The following ANKFN1 variants were observed in gnomAD, a reference collection of about 807,000 sequenced individuals.
The protein encoded by ANKFN1 is ankyrin repeat and fibronectin type III domain containing 1, also known as ankyrin repeat and fibronectin type-III domain-containing protein 1.
In ANKFN1, 74 loss-of-function variants were observed where a neutral mutation model predicts 108.7. The ratio of observed to expected loss-of-function variants is 0.68; its 90% CI spans 0.56 to 0.83. The LOEUF is 0.83. Ranked by LOEUF, ANKFN1 falls within the 40% of genes least tolerant of loss-of-function variation. The pLI, the probability that ANKFN1 is intolerant of heterozygous loss-of-function variation, is 0.00. For synonymous variants in ANKFN1, 547 were observed against 516.2 expected, an observed-to-expected ratio of 1.06 and a Z score of -0.81; for missense variants, 1,505 against 1,382.3, an observed-to-expected ratio of 1.09 and a Z score of -1.41.
At chr17:56,420,036 G>A (rs745443897) in intron 8 of ANKFN1, among the ~76,000 whole-genome samples, 3 of 152,002 alleles carry the variant, frequency 2.0e-5, no homozygotes, top group South Asian at 2.1e-4. Flanking sequence ...AATCCCCAGA[G>A]CAGCTCATGT....
At chr17:56,425,839 T>C (rs1331594996) in intron 8 of ANKFN1, among the ~76,000 whole-genome samples, 2 of 152,222 alleles carry the variant, frequency 1.3e-5, no homozygotes, top group Non-Finnish European at 2.9e-5. Context: ...TAAATTGACT[T>C]GACCGTCTCG....
At chr17:56,263,199 A>G (rs2043564521) in intron 3 of ANKFN1, among the ~76,000 whole-genome samples, 1 of 152,234 alleles carries the variant, frequency 6.6e-6, no homozygotes, top group South Asian at 2.1e-4. Flanking sequence ...AACAGTTTAC[A>G]TAGGCAGCCT....
Position 56,372,841 on chromosome 17 carries a change from G to A in ANKFN1, c.796+1G>A. Reference sequence around the variant, plus strand: ...ATGAAAACAGGCTTTGAGCATGCCAGTGAGTATAAGCAGAAAATGTCTACA... The same window carrying A: ...ATGAAAACAGGCTTTGAGCATGCCAATGAGTATAAGCAGAAAATGTCTACA... On this transcript the variant is annotated splice_donor_variant, in intron 7 of 20. Coordinates refer to ENST00000682825, the MANE Select transcript of ANKFN1 (RefSeq NM_001370326.1). LOFTEE classifies it high-confidence loss of function. 6.2e-7 allele frequency: 1 copy of A among 1,611,542 alleles called. No homozygotes were observed. The highest frequency in any genetic ancestry group is 8.5e-7 in the Non-Finnish European group (1 of 1,179,296).
chr17:56,197,456 A>G (rs1290418751), intron 1 of ANKFN1, among the ~76,000 whole-genome samples: 1 of 152,234 alleles, frequency 6.6e-6, no homozygotes, highest in Non-Finnish European at 1.5e-5. Flanking sequence ...TTTACAAACC[A>G]TCGGATGGAG....
intron 8 of ANKFN1, among the ~76,000 whole-genome samples, chr17:56,380,433 G>A (rs575615912): frequency 2.0e-5 from 3 of 152,290 alleles, no homozygotes; most frequent in South Asian, 4.1e-4. Context: ...GACAGTGGGC[G>A]CAGGACAGTG....
chr17:56,424,157 C>T (rs1445524116), intron 8 of ANKFN1, among the ~76,000 whole-genome samples: 1 of 152,166 alleles, frequency 6.6e-6, no homozygotes, highest in Non-Finnish European at 1.5e-5. Flanking sequence ...GGGTGACACC[C>T]TTAAAGACAT....
At chr17:56,083,557 A>G (rs1905273255) in intron 4 of ANKFN1, among the ~76,000 whole-genome samples, 2 of 151,524 alleles carry the variant, frequency 1.3e-5, no homozygotes, top group South Asian at 4.2e-4. Flanking sequence ...CTGGCTCTTG[A>G]AATGATTCTT....
chr17:56,308,005 C>T lies in ANKFN1; in HGVS notation c.54-18216C>T, dbSNP rs963524327. On this transcript the variant is annotated intron_variant, in intron 3 of 20. Transcript: ENST00000682825. The stretch of plus-strand genomic sequence containing the variant: ...AAAAAACCAAACATGAAGAGAACCG[C>T]ATGTTCTCACTCATAGGTGGGAATT... Among the ~76,000 whole-genome samples the T allele has an allele frequency of 3.9e-5, 6 of 152,168 alleles. No homozygotes were observed. The East Asian group carries it at 5.8e-4, about 15-fold the overall frequency.
chr17:56,146,881 C>G (rs181710685), intron 4 of ANKFN1, among the ~76,000 whole-genome samples: 5 of 152,326 alleles, frequency 3.3e-5, no homozygotes, highest in African/African-American at 1.2e-4. Flanking sequence ...ATTTCTCCCC[C>G]AGAAAATGGG....
At chr17:56,495,227 A>G (rs951064782) in intron 19 of ANKFN1, among the ~76,000 whole-genome samples, 2 of 152,126 alleles carry the variant, frequency 1.3e-5, no homozygotes, top group Non-Finnish European at 2.9e-5. Flanking sequence ...ATAGCCTTCA[A>G]TGAACCACCT....
intron 20 of ANKFN1, among the ~76,000 whole-genome samples, chr17:56,509,334 T>G (rs1192699151): frequency 6.6e-6 from 1 of 152,198 alleles, no homozygotes; most frequent in Non-Finnish European, 1.5e-5. Context: ...ACAAGCTCTA[T>G]TTTTCAGCCC....
intron 4 of ANKFN1, among the ~76,000 whole-genome samples, chr17:56,053,272 C>G (rs1904809296): frequency 6.6e-6 from 1 of 152,050 alleles, no homozygotes; most frequent in Non-Finnish European, 1.5e-5. Context: ...CATCCATCAC[C>G]TCATGCCTTT....
At chr17:56,427,029 A>G (rs1353231983) in intron 8 of ANKFN1, among the ~76,000 whole-genome samples, 1 of 152,246 alleles carries the variant, frequency 6.6e-6, no homozygotes, top group Non-Finnish European at 1.5e-5. Context: ...AGAAGAAAAA[A>G]GCCCAAAATA....
At chr17:56,476,672 A>G (rs2050510085) in intron 15 of ANKFN1, among the ~76,000 whole-genome samples, 1 of 152,246 alleles carries the variant, frequency 6.6e-6, no homozygotes, top group African/African-American at 2.4e-5. Flanking sequence ...TTTGAAAAAC[A>G]TAACACAAGC....
intron 1 of ANKFN1, among the ~76,000 whole-genome samples, chr17:56,209,005 G>C (rs947705391): frequency 5.3e-5 from 8 of 152,138 alleles, no homozygotes; most frequent in African/African-American, 1.9e-4. Flanking sequence ...GGCCTCCCGA[G>C]TTAGCTGGGA....
chr17:56,198,385 A>C (rs541426027), intron 1 of ANKFN1, among the ~76,000 whole-genome samples: 1 of 152,266 alleles, frequency 6.6e-6, no homozygotes, highest in South Asian at 2.1e-4. Flanking sequence ...TCCTGTGAGA[A>C]TCTAATGCCG....
intron 8 of ANKFN1, among the ~76,000 whole-genome samples, chr17:56,382,928 G>A (rs1009135809): frequency 6.6e-6 from 1 of 152,044 alleles, no homozygotes; most frequent in African/African-American, 2.4e-5. Context: ...AATGAGACAG[G>A]AAGTTAACAA....
At chr17:56,410,622 A>T (rs1456350519) in intron 8 of ANKFN1, among the ~76,000 whole-genome samples, 1 of 152,184 alleles carries the variant, frequency 6.6e-6, no homozygotes, top group African/African-American at 2.4e-5. Flanking sequence ...GCAATAGATC[A>T]CTAAAATTTT....
intron 4 of ANKFN1, among the ~76,000 whole-genome samples, chr17:56,113,391 G>C (rs1001436809): frequency 4.6e-5 from 7 of 152,164 alleles, no homozygotes; most frequent in Non-Finnish European, 8.8e-5. Context: ...GGAGCCCCAG[G>C]CTGACTTCTT....
Sources: gnomAD v4.1 joint callset for allele counts (sites outside exome capture counted in the v4.1 genomes callset) on GRCh38, gnomAD v4.1.1 for gene constraint, MANE v1.5 for transcripts, NCBI Gene and HGNC (gene_info 2026-07-23, HGNC 2026-07-21) for gene names.